The following NTNG2 variants were observed in gnomAD, a reference collection of about 807,000 sequenced individuals.
NTNG2 encodes netrin G2.
In NTNG2, 15 loss-of-function variants were observed where a neutral mutation model predicts 47.6. The ratio of observed to expected loss-of-function variants is 0.32; its 90% confidence interval spans 0.21 to 0.49. The LOEUF (loss-of-function observed/expected upper bound fraction) is 0.49, where lower values mean the gene tolerates loss of function less well. NTNG2 is among the 20% of genes least tolerant of loss of function. NTNG2 has a pLI of 0.99. For missense variants in NTNG2, 578 were observed against 764.6 expected, an observed-to-expected ratio of 0.76 and a Z score of 2.88; for synonymous variants, 307 against 324.6, an observed-to-expected ratio of 0.95 and a Z score of 0.58.
At chr9:132,193,673 G>T (rs879269252) in intron 2 of NTNG2, among the ~76,000 whole-genome samples, 1 of 152,086 alleles carries the variant, frequency 6.6e-6, no homozygotes, top group Non-Finnish European at 1.5e-5. Flanking sequence ...CTCCCAATTC[G>T]TCTCTACCCC....
intron 6 of NTNG2, chr9:132,240,705 G>T (rs535958942): frequency 2.5e-5 from 17 of 682,414 alleles, no homozygotes; most frequent in Non-Finnish European, 4.2e-5. Flanking sequence ...TGATCCCAAG[G>T]AAGGAAGCCA....
chr9:132,207,045 G>A (rs2130797627), intron 3 of NTNG2, among the ~76,000 whole-genome samples: 1 of 152,380 alleles, frequency 6.6e-6, no homozygotes, highest in East Asian at 1.9e-4. Context: ...GGGGAGCCCT[G>A]CAGGTGCTTG....
intron 2 of NTNG2, among the ~76,000 whole-genome samples, chr9:132,183,030 C>A (rs1837070440): frequency 6.6e-6 from 1 of 152,216 alleles, no homozygotes; most frequent in Non-Finnish European, 1.5e-5. Flanking sequence ...TGCCCTGGAG[C>A]CCTTCCAGCC....
chr9:132,205,010 C>T (rs1839060846), intron 3 of NTNG2, among the ~76,000 whole-genome samples: 1 of 152,206 alleles, frequency 6.6e-6, no homozygotes, highest in Non-Finnish European at 1.5e-5. Flanking sequence ...TCGGAACCTT[C>T]ATGCATTGCT....
intron 2 of NTNG2, among the ~76,000 whole-genome samples, chr9:132,192,486 G>C (rs927144126): frequency 2.0e-5 from 3 of 152,236 alleles, no homozygotes; most frequent in Admixed American, 2.0e-4. Flanking sequence ...AGCTACCTGG[G>C]AGACTGAGGC....
At chr9:132,165,831 C>T (rs561349026) in intron 1 of NTNG2, among the ~76,000 whole-genome samples, 7 of 152,306 alleles carry the variant, frequency 4.6e-5, no homozygotes, top group Admixed American at 6.5e-5. Context: ...ATAACATGCC[C>T]GATCTCCAAA....
upstream of NTNG2, chr9:132,161,873 C>G (rs1319029619): frequency 6.7e-6 from 1 of 149,654 alleles, no homozygotes; most frequent in Admixed American, 6.6e-5. The surrounding 1 kb of genome is among the most constrained non-coding windows in gnomAD (Gnocchi z 7.2). Flanking sequence ...GGGGGCTGCC[C>G]GGCGCCCGAG....
chr9:132,173,699 T>C (rs1224961199), intron 2 of NTNG2, among the ~76,000 whole-genome samples: 235 of 113,258 alleles, frequency 2.1e-3, no homozygotes, highest in African/African-American at 5.6e-3. Context: ...ATGAGACGGA[T>C]GGATGGACAG....
intron 2 of NTNG2, among the ~76,000 whole-genome samples, chr9:132,170,748 T>A (rs896444204): frequency 2.6e-5 from 4 of 151,690 alleles, no homozygotes; most frequent in African/African-American, 9.7e-5. Context: ...GGCAGCAGGG[T>A]GCCAAGGGAA....
At chr9:132,184,555 CAG>C (rs1262917983) in intron 2 of NTNG2, among the ~76,000 whole-genome samples, 1 of 152,236 alleles carries the variant, frequency 6.6e-6, no homozygotes, top group Non-Finnish European at 1.5e-5. Flanking sequence ...GAGCTGTAGA[CAG>C]AAGATGGCTC....
In NTNG2 at chr9:132,197,912, A is replaced by G; in HGVS notation, c.214-54A>G. 1.3e-6 allele frequency: 2 copies of G among 1,541,436 alleles called. No homozygotes were observed. The highest frequency in any genetic ancestry group is 1.8e-6 in the Non-Finnish European group (2 of 1,139,072). On this transcript the variant is annotated intron_variant, in intron 2 of 7. Coordinates refer to ENST00000393229, the MANE Select transcript of NTNG2 (RefSeq NM_032536.4). This position sits in a 1 kb window ranked among gnomAD's most constrained non-coding sequence, Gnocchi z 4.3. ...GGGCTAGGCCGCGCAGAGGCTTCCC[A>G]GGCCATCCCGAGCATCCAGCACCCA... is the stretch of plus-strand genomic sequence containing the variant.
intron 3 of NTNG2, among the ~76,000 whole-genome samples, chr9:132,207,150 T>C (rs1380647884): frequency 6.6e-6 from 1 of 152,274 alleles, no homozygotes; most frequent in East Asian, 1.9e-4. Context: ...CTCTGCGAGC[T>C]TTCTCGCCAT....
At chr9:132,192,821 C>T (rs530279769) in intron 2 of NTNG2, among the ~76,000 whole-genome samples, 1 of 152,154 alleles carries the variant, frequency 6.6e-6, no homozygotes, top group African/African-American at 2.4e-5. Context: ...GGCCGCGGCT[C>T]GGGATTTATT....
At position 132,182,413 on chromosome 9, in the gene NTNG2, T is replaced by C. The variant is rs1397325799; in HGVS notation, c.213+15369T>C. Among the ~76,000 whole-genome samples, 3 of 151,922 alleles carry C rather than the reference T, an allele frequency of 2.0e-5. No individual in the cohort carries two copies. Among genetic ancestry groups the C allele is most frequent in the Non-Finnish European group, 4.4e-5 (3 of 67,946 alleles). ...CCTGCCCAGTTCCCCTCCCCTGCAC[T>C]GGGTTGGCCGCCTCTCAGCCTAGAG... On this transcript the variant is annotated intron_variant, in intron 2 of 7. Coordinates refer to ENST00000393229, the MANE Select transcript of NTNG2 (RefSeq NM_032536.4). The surrounding 1 kb of genome is among the most constrained non-coding windows in gnomAD (Gnocchi z 4.2).
At chr9:132,184,791 C>T (rs1426674247) in intron 2 of NTNG2, among the ~76,000 whole-genome samples, 1 of 152,152 alleles carries the variant, frequency 6.6e-6, no homozygotes, top group Non-Finnish European at 1.5e-5. Context: ...GGTGTGGAGG[C>T]ACATCCGGTA....
At chr9:132,174,650 G>A (rs1056508819) in intron 2 of NTNG2, among the ~76,000 whole-genome samples, 26 of 152,180 alleles carry the variant, frequency 1.7e-4, no homozygotes, top group Non-Finnish European at 3.1e-4. Context: ...CCGGGTGCAC[G>A]GTGGCTCAAG....
At chr9:132,241,091 G>T (rs752330517) in intron 7 of NTNG2, 47 bp downstream of exon 7, 3 of 1,531,002 alleles carry the variant, frequency 2.0e-6, no homozygotes, top group Non-Finnish European at 2.6e-6. Flanking sequence ...GAAAGGGGAC[G>T]GGGCAGGACC....
At position 132,218,908 on chromosome 9, in the gene NTNG2, G is replaced by A. The variant is rs983932191; in HGVS notation, c.858-7941G>A. Among the ~76,000 whole-genome samples, 3 of 152,194 alleles carry A rather than the reference G, an allele frequency of 2.0e-5. No homozygotes were observed. The highest frequency in any genetic ancestry group is 2.9e-5 in the Non-Finnish European group (2 of 68,034). ...GCCCTTCCCTGTTTCCACACATCCC[G>A]ATCATTCATTCACTCACAGCTTTAC... is the stretch of plus-strand genomic sequence containing the variant. On this transcript the variant is annotated intron_variant, in intron 3 of 7. Transcript: ENST00000393229. This position sits in a 1 kb window ranked among gnomAD's most constrained non-coding sequence, Gnocchi z 5.4.
intron 5 of NTNG2, among the ~76,000 whole-genome samples, chr9:132,237,326 G>C (rs1315688594): frequency 6.6e-6 from 1 of 152,202 alleles, no homozygotes; most frequent in Admixed American, 6.5e-5. Context: ...GCCTGCCCTA[G>C]AGCTGGCCCA....
Sources: allele counts gnomAD v4.1 joint callset (sites outside exome capture counted in the v4.1 genomes callset), GRCh38; gene constraint gnomAD v4.1.1; non-coding constraint Gnocchi (gnomAD v3.1); transcripts MANE v1.5; gene names NCBI Gene and HGNC (gene_info 2026-07-23, HGNC 2026-07-21).